Variants in RBM44 observed in about 807,000 individuals in gnomAD.
RBM44 encodes RNA binding motif protein 44.
RBM44 carries 66 observed loss-of-function variants against 105.1 expected under a neutral mutation model. That is an observed-to-expected ratio of 0.63 (90% confidence interval 0.52 to 0.77). The LOEUF (loss-of-function observed/expected upper bound fraction) is 0.77, where lower values mean the gene tolerates loss of function less well. Among genes scored for constraint, RBM44 ranks in the 30% least tolerant of loss-of-function variants. The pLI, the probability that RBM44 is intolerant of heterozygous loss-of-function variation, is 0.00. For missense variants in RBM44, 1,122 were observed against 1,207.8 expected (o/e 0.93, Z 1.05); for synonymous variants, 365 against 417.6 (o/e 0.87, Z 1.54).
intron 10 of RBM44, among the ~76,000 whole-genome samples, chr2:237,824,693 A>G (rs991286347): frequency 2.0e-5 from 3 of 152,134 alleles, no homozygotes; most frequent in Non-Finnish European, 4.4e-5. Context: ...GCACTCCTGC[A>G]GGGCATCATT....
intron 15 of RBM44, among the ~76,000 whole-genome samples, chr2:237,839,336 C>A (rs1030392943): frequency 6.6e-6 from 1 of 152,098 alleles, no homozygotes; most frequent in Non-Finnish European, 1.5e-5. Context: ...TACAATGGCG[C>A]GATCTCAGCT....
chr2:237,815,993 GCA>G (rs1437723600), intron 2 of RBM44, among the ~76,000 whole-genome samples: 2 of 152,060 alleles, frequency 1.3e-5, no homozygotes, highest in African/African-American at 4.8e-5. Context: ...AAACTTCTTA[GCA>G]CATCATAAAG....
At chr2:237,809,847 A>C (rs970866955) in intron 1 of RBM44, among the ~76,000 whole-genome samples, 1 of 152,176 alleles carries the variant, frequency 6.6e-6, no homozygotes, top group African/African-American at 2.4e-5. Context: ...TGGGAGGATC[A>C]CTTTAACCCA....
In RBM44 at chr2:237,817,471, ACAG is replaced by A. The variant is rs1559911943; in HGVS notation, c.556_558del (p.Gln186del). ...AAAAGCATGATACAGATGAAGACTC[ACAG>A]CAGGAATATCACAGTGCAGAAGAAC... is the stretch of plus-strand genomic sequence containing the variant. On this transcript the variant is annotated inframe_deletion, in exon 3 of 16. Transcript: ENST00000316997. 1 of 1,602,508 alleles carries A rather than the reference ACAG, an allele frequency of 6.2e-7. No individual in the cohort carries two copies. Among genetic ancestry groups the A allele is most frequent in the African/African-American group, 1.3e-5 (1 of 74,828 alleles).
chr2:237,833,877 T>G (rs1281942821), intron 13 of RBM44, 120 bp from the exon 14 acceptor site: 59 of 533,146 alleles, frequency 1.1e-4, no homozygotes, highest in Non-Finnish European at 1.1e-4. Context: ...TAAAGTAAAT[T>G]TTTAAGGAAT....
At position 237,821,258 on chromosome 2, in the gene RBM44, T is replaced by G; in HGVS notation, c.2097+4T>G. The G allele has an allele frequency of 6.4e-7, 1 of 1,574,356 alleles. No homozygotes were observed. The highest frequency in any genetic ancestry group is 2.3e-5 in the East Asian group (1 of 43,696). On this transcript the variant is annotated splice_donor_region_variant and intron_variant, in intron 6 of 15. Coordinates refer to ENST00000316997, the MANE Select transcript of RBM44 (RefSeq NM_001080504.3). ...CTTCTCTACTTTTGCTTCCAGGGTA[T>G]GTATATATGTTTTAGAAATAAAAAA...
At position 237,817,603 on chromosome 2, in the gene RBM44, T is replaced by G; in HGVS notation, c.684T>G (p.Cys228Trp). 6.2e-7 allele frequency: 1 copy of G among 1,612,986 alleles called. No homozygotes were observed. Among genetic ancestry groups the G allele is most frequent in the Non-Finnish European group, 8.5e-7 (1 of 1,179,440 alleles). The change falls in exon 3 of 16, where the codon TGT becomes TGG. Residue 228 changes from cysteine to tryptophan, a missense_variant. Cys to Trp is a radical substitution (Grantham distance 215). Coordinates refer to ENST00000316997, the MANE Select transcript of RBM44 (RefSeq NM_001080504.3). ...ELGNSGYEVK[C>W]ASNVEDNRVN... Reference sequence around the variant, plus strand: ...GAAATTCGGGTTATGAAGTTAAATGTGCTAGCAATGTAGAAGATAATCGTG... The same window carrying G: ...GAAATTCGGGTTATGAAGTTAAATGGGCTAGCAATGTAGAAGATAATCGTG...
chr2:237,824,312 C>G lies in RBM44; in HGVS notation c.2342C>G (p.Thr781Arg). ...GDKDCRHYQE[T>R]SEDWSDAKES... Reference sequence around the variant, plus strand: ...TTAGACTGCAGACATTACCAAGAGACAAGCGAAGACTGGTCTGATGCTAAA... The same window carrying G: ...TTAGACTGCAGACATTACCAAGAGAGAAGCGAAGACTGGTCTGATGCTAAA... Residue 781 changes from threonine to arginine, a missense_variant, in exon 10 of 16, where the codon ACA becomes AGA. Thr to Arg is a moderately conservative substitution (Grantham distance 71, BLOSUM62 -1). Around this residue, in one of 3 missense-constraint regions of RBM44, gnomAD observed 918 missense variants for 955.3 expected, o/e 0.96. Coordinates refer to ENST00000316997, the MANE Select transcript of RBM44 (RefSeq NM_001080504.3). 1 of 1,612,992 alleles carries G rather than the reference C, an allele frequency of 6.2e-7. No homozygotes were observed. Among genetic ancestry groups the G allele is most frequent in the Non-Finnish European group, 8.5e-7 (1 of 1,179,312 alleles).
At chr2:237,834,254 C>T (rs778581750) in intron 14 of RBM44, 24 bp from the exon 15 acceptor site, 10 of 1,551,922 alleles carry the variant, frequency 6.4e-6, no homozygotes, top group Middle Eastern at 1.7e-4. Context: ...GACAAATACT[C>T]ATGTATGTTT....
Position 237,818,032 on chromosome 2 carries a change from C to G in RBM44, c.1113C>G (p.Leu371=), listed in dbSNP as rs1193873040. 6.2e-7 allele frequency: 1 copy of G among 1,612,742 alleles called. No homozygotes were observed. Among genetic ancestry groups the G allele is most frequent in the African/African-American group, 1.3e-5 (1 of 74,966 alleles). ...AGGATAAAGCTTTAGAGACATTACT[C>G]CAACCCTGTAAAGATTGTCAAACTT... The part of the protein sequence containing the change: ...LPQDKALETL[L]QPCKDCQTSW... Residue 371 remains leucine (L), a synonymous_variant, in exon 3 of 16, where the codon CTC becomes CTG. Coordinates refer to ENST00000316997, the MANE Select transcript of RBM44 (RefSeq NM_001080504.3). This position sits in a 1 kb window ranked among gnomAD's most constrained non-coding sequence, Gnocchi z 4.6.
In RBM44 at chr2:237,834,083, C is replaced by T. The variant is rs1284629719; in HGVS notation, c.2973C>T (p.Asn991=). ...PVQFIPPNTL[N]LRSFTKIIKR... ...AATTCATACCTCCAAATACATTGAA[C>T]CTTCGTAGCTTTACCAAGATCATAA... Residue 991 remains asparagine (N), a synonymous_variant, in exon 14 of 16, where the codon AAC becomes AAT. Coordinates refer to ENST00000316997, the MANE Select transcript of RBM44 (RefSeq NM_001080504.3). 2 of 1,582,634 alleles carry T rather than the reference C, an allele frequency of 1.3e-6. No individual in the cohort carries two copies. Among genetic ancestry groups the T allele is most frequent in the Admixed American group, 1.8e-5 (1 of 55,804 alleles).
At position 237,809,409 on chromosome 2, in the gene RBM44, A is replaced by G. The variant is rs995411905; in HGVS notation, c.-18-4183A>G. Among the ~76,000 whole-genome samples, 8 of 152,220 alleles carry G rather than the reference A, an allele frequency of 5.3e-5. No individual in the cohort carries two copies. In the East Asian group the frequency reaches 1.2e-3, roughly 22 times the overall value. The stretch of plus-strand genomic sequence containing the variant: ...CTTTCTTTGTTTCCCTTTACAGCAA[A>G]AAATTTGAATGAAATGTGTATACTC... On this transcript the variant is annotated intron_variant, in intron 1 of 15. Transcript: ENST00000316997.
intron 12 of RBM44, among the ~76,000 whole-genome samples, chr2:237,828,083 A>G (rs944194790): frequency 2.0e-5 from 3 of 152,146 alleles, no homozygotes; most frequent in African/African-American, 4.8e-5. Context: ...CACTTTTTAT[A>G]TATTTTAGGT....
Position 237,840,844 on chromosome 2 carries a change from G to A in RBM44, c.*23-995G>A, listed in dbSNP as rs549466786. Among the ~76,000 whole-genome samples, 35 of 152,256 alleles carry A rather than the reference G, an allele frequency of 2.3e-4. 2 individuals carry two copies. The South Asian group carries it at 6.4e-3, about 28-fold the overall frequency. ...ATGCTCAGTATCACTAATCATTGGA[G>A]AAATGCAAGTCAAAACCACAAGATA... is the stretch of plus-strand genomic sequence containing the variant. On this transcript the variant is annotated intron_variant, in intron 15 of 15. Transcript: ENST00000316997.
intron 6 of RBM44, 38 bp from the exon 7 acceptor site, chr2:237,821,308 T>C: frequency 6.4e-7 from 1 of 1,559,830 alleles, no homozygotes; most frequent in South Asian, 1.2e-5. Flanking sequence ...GACAAAACAT[T>C]TTAAACAAAG....
intron 1 of RBM44, among the ~76,000 whole-genome samples, chr2:237,804,289 G>T (rs1377607360): frequency 6.6e-6 from 1 of 152,244 alleles, no homozygotes; most frequent in East Asian, 1.9e-4. Flanking sequence ...TTGGTTGAAT[G>T]ATTTATTTTC....
intron 10 of RBM44, among the ~76,000 whole-genome samples, chr2:237,826,818 T>C (rs1205326454): frequency 6.6e-6 from 1 of 152,192 alleles, no homozygotes. Context: ...TTAGGTATTA[T>C]AACTAATCTA....
chr2:237,841,450 C>CA lies in RBM44; in HGVS notation c.*23-388dup, dbSNP rs1431344495. Among the ~76,000 whole-genome samples, 1 of 152,120 alleles carries CA rather than the reference C, an allele frequency of 6.6e-6. No homozygotes were observed. Among genetic ancestry groups the CA allele is most frequent in the Non-Finnish European group, 1.5e-5 (1 of 67,982 alleles). ...GGTAGGAGGAGGGTGAGGATCAAAA[C>CA]ACTACCTATCTGGTACCACGCTTAT... On this transcript the variant is annotated intron_variant, in intron 15 of 15. Transcript: ENST00000316997. This position sits in a 1 kb window ranked among gnomAD's most constrained non-coding sequence, Gnocchi z 4.5.
intron 1 of RBM44, 133 bp from the exon 2 acceptor site, chr2:237,813,458 AG>A: frequency 2.0e-6 from 1 of 500,946 alleles, no homozygotes. Flanking sequence ...AACTTCTTTT[AG>A]TGACCTAATG....
Sources: gnomAD v4.1 joint callset for allele counts (sites outside exome capture counted in the v4.1 genomes callset) on GRCh38, gnomAD v4.1.1 for gene constraint, gnomAD v4.1.1 regional missense constraint, Gnocchi (gnomAD v3.1) non-coding constraint, MANE v1.5 for transcripts, NCBI Gene and HGNC (gene_info 2026-07-23, HGNC 2026-07-21) for gene names.